Variants in KIAA1549L observed in about 807,000 individuals in gnomAD.
KIAA1549L encodes KIAA1549 like, also known as UPF0606 protein KIAA1549L.
In KIAA1549L, 88 loss-of-function variants were observed where a neutral mutation model predicts 160.7. That is an observed-to-expected ratio of 0.55 (90% CI 0.46 to 0.65). The LOEUF is 0.65. KIAA1549L is among the 30% of genes least tolerant of loss of function. The pLI is 0.00. For synonymous variants in KIAA1549L, 950 were observed against 976.7 expected, an observed-to-expected ratio of 0.97 and a Z score of 0.51; for missense variants, 2,258 against 2,437.5, an observed-to-expected ratio of 0.93 and a Z score of 1.55.
At chr11:33,407,055 T>G (rs1440702687) in intron 1 of KIAA1549L, among the ~76,000 whole-genome samples, 1 of 151,604 alleles carries the variant, frequency 6.6e-6, no homozygotes, top group East Asian at 1.9e-4. Flanking sequence ...TAGGTAGATG[T>G]GGAGTTCAGT....
At chr11:33,489,237 T>C (rs1277074368) in intron 1 of KIAA1549L, among the ~76,000 whole-genome samples, 1 of 152,170 alleles carries the variant, frequency 6.6e-6, no homozygotes, top group Non-Finnish European at 1.5e-5. Flanking sequence ...AGGATTGGTT[T>C]CTGGTAAGGT....
chr11:33,408,091 G>C (rs190669520), intron 1 of KIAA1549L, among the ~76,000 whole-genome samples: 14 of 152,114 alleles, frequency 9.2e-5, no homozygotes, highest in African/African-American at 3.4e-4. Context: ...TTAATTATCC[G>C]CTTTCTGGAG....
In KIAA1549L at chr11:33,667,955, G is replaced by T. The variant is rs1462458916; in HGVS notation, c.6242G>T (p.Ser2081Ile). 1 of 1,613,820 alleles carries T rather than the reference G, an allele frequency of 6.2e-7. No individual in the cohort carries two copies. The highest frequency in any genetic ancestry group is 1.1e-5 in the South Asian group (1 of 91,066). The change falls in exon 21 of 21, where the codon AGC becomes ATC. Residue 2081 changes from serine (S) to isoleucine (I), a missense_variant. Coordinates refer to ENST00000658780, the MANE Select transcript of KIAA1549L (RefSeq NM_012194.3). ...SSPSRLPRQY[S>I]QPANLHPSLE... ...CCCTCCAGGCTTCCTCGTCAGTACA[G>T]CCAGCCAGCCAACCTGCACCCCAGC...
At chr11:33,604,244 A>G (rs1047640659) in intron 13 of KIAA1549L, among the ~76,000 whole-genome samples, 1 of 152,176 alleles carries the variant, frequency 6.6e-6, no homozygotes, top group African/African-American at 2.4e-5. Flanking sequence ...GGGTCTCATG[A>G]GGTCATAGTC....
intron 1 of KIAA1549L, among the ~76,000 whole-genome samples, chr11:33,506,562 AT>A (rs1029299363): frequency 2.6e-5 from 4 of 152,020 alleles, no homozygotes; most frequent in Non-Finnish European, 5.9e-5. Context: ...CCTACAACAA[AT>A]TTTTTTAAAT....
At chr11:33,455,052 G>A (rs562453592) in intron 1 of KIAA1549L, among the ~76,000 whole-genome samples, 2 of 152,304 alleles carry the variant, frequency 1.3e-5, no homozygotes, top group East Asian at 3.9e-4. Context: ...TTGCGCCACT[G>A]CACTCCAGCC....
At chr11:33,539,467 A>C (rs1469166860) in intron 1 of KIAA1549L, among the ~76,000 whole-genome samples, 1 of 152,220 alleles carries the variant, frequency 6.6e-6, no homozygotes, top group Non-Finnish European at 1.5e-5. Context: ...GCAGTGACAT[A>C]AAATAGCAAA....
rs60868652 is a variant in KIAA1549L at position 33,419,857 on chromosome 11, TATACATACATAC to T, written c.238+43008_238+43019del. Among the ~76,000 whole-genome samples the T allele has an allele frequency of 9.1e-4, 124 of 136,496 alleles. 2 individuals are homozygous for T. The highest frequency in any genetic ancestry group is 3.6e-3 in the South Asian group (15 of 4,118). 89.5% of individuals were successfully genotyped at this position (136,496 alleles called of 152,430 possible). A position where few individuals can be genotyped will look rare whatever the true frequency, so the allele number is the denominator to read the frequency against. ...GCAAGACTGTCTTTAAAAAAAATGT[TATACATACATAC>T]ATACATACATACATACATACATACA... is the stretch of plus-strand genomic sequence containing the variant. On this transcript the variant is annotated intron_variant, in intron 1 of 20. Transcript: ENST00000658780.
rs188616138 is a variant in KIAA1549L at position 33,455,344 on chromosome 11, G to C, written c.238+78455G>C. Reference sequence around the variant, plus strand: ...AGTGTCTCAGTTGCACTAGCCACCTGTGGCTAATGGCTACCTTATTGGACA... The same window carrying C: ...AGTGTCTCAGTTGCACTAGCCACCTCTGGCTAATGGCTACCTTATTGGACA... On this transcript the variant is annotated intron_variant, in intron 1 of 20. Coordinates refer to ENST00000658780, the MANE Select transcript of KIAA1549L (RefSeq NM_012194.3). Among the ~76,000 whole-genome samples the C allele has an allele frequency of 9.8e-5, 15 of 152,312 alleles. No homozygotes were observed. In the East Asian group the frequency reaches 2.7e-3, roughly 27 times the overall value.
intron 1 of KIAA1549L, among the ~76,000 whole-genome samples, chr11:33,530,439 ATATATATATATATATATATAT>A (rs1853738770): frequency 5.3e-4 from 2 of 3,744 alleles, no homozygotes; most frequent in Admixed American, 2.8e-3. Flanking sequence ...AAAAAAAAAT[ATATATATATATATATATATAT>A]ATATATATAT....
intron 1 of KIAA1549L, among the ~76,000 whole-genome samples, chr11:33,420,977 T>C (rs1207569225): frequency 1.3e-5 from 2 of 152,206 alleles, no homozygotes; most frequent in Admixed American, 1.3e-4. Context: ...GGAATGCCTA[T>C]TGATTTGCAG....
intron 17 of KIAA1549L, among the ~76,000 whole-genome samples, chr11:33,653,911 C>A (rs1201548755): frequency 4.3e-5 from 6 of 139,418 alleles, no homozygotes; most frequent in Non-Finnish European, 6.2e-5. Context: ...TGTTTCACTT[C>A]TGAAAGTTCT....
intron 1 of KIAA1549L, among the ~76,000 whole-genome samples, chr11:33,430,554 CAG>C (rs1851217733): frequency 6.6e-6 from 1 of 152,152 alleles, no homozygotes; most frequent in African/African-American, 2.4e-5. Context: ...AATATTTTTG[CAG>C]AGTTTCATTT....
chr11:33,563,746 C>T (rs984471455), intron 8 of KIAA1549L, among the ~76,000 whole-genome samples: 2 of 152,174 alleles, frequency 1.3e-5, no homozygotes, highest in African/African-American at 4.8e-5. Flanking sequence ...ATTTTTGGAG[C>T]TAGTGGCTTA....
At chr11:33,435,800 A>ATATGTGTG (rs1554976797) in intron 1 of KIAA1549L, among the ~76,000 whole-genome samples, 219 of 12,880 alleles carry the variant, frequency 0.017, 24 homozygotes, top group Non-Finnish European at 0.026. Flanking sequence ...ATATATATAT[A>ATATGTGTG]TATATATATA....
At position 33,672,189 on chromosome 11, in the gene KIAA1549L, C is replaced by T; in HGVS notation, c.*4035C>T. 6.6e-6 allele frequency: 1 copy of T among 152,332 alleles called. No individual in the cohort carries two copies. The allele number at this position is 152,332 out of a possible 1,614,324, so 9.4% of individuals were successfully genotyped here. ...CTCATGGACTTTCTTCTCTGTTTCC[C>T]TCTGCCTATCTATCTGCCTGGTTCT... is the stretch of plus-strand genomic sequence containing the variant. On this transcript the variant is annotated 3_prime_UTR_variant, in exon 21 of 21. Transcript: ENST00000658780.
chr11:33,410,800 G>A (rs1036069120), intron 1 of KIAA1549L, among the ~76,000 whole-genome samples: 1 of 152,214 alleles, frequency 6.6e-6, no homozygotes, highest in Non-Finnish European at 1.5e-5. Context: ...AACAGCATGA[G>A]CAAAACTAAA....
At chr11:33,488,318 T>C (rs1852577041) in intron 1 of KIAA1549L, among the ~76,000 whole-genome samples, 1 of 152,194 alleles carries the variant, frequency 6.6e-6, no homozygotes, top group African/African-American at 2.4e-5. Flanking sequence ...AGTGCGCTCC[T>C]CCTCAATTTT....
At chr11:33,394,856 C>T (rs888505401) in intron 1 of KIAA1549L, among the ~76,000 whole-genome samples, 2 of 152,214 alleles carry the variant, frequency 1.3e-5, no homozygotes, top group Admixed American at 1.3e-4. Flanking sequence ...CCAAGGCTGC[C>T]CTGCTTGTCT....
Sources: gnomAD v4.1 joint callset for allele counts (sites outside exome capture counted in the v4.1 genomes callset) on GRCh38, gnomAD v4.1.1 for gene constraint, MANE v1.5 for transcripts, NCBI Gene and HGNC (gene_info 2026-07-23, HGNC 2026-07-21) for gene names.